Variants in FTO observed in about 807,000 individuals in gnomAD.
The protein encoded by FTO is FTO alpha-ketoglutarate dependent dioxygenase.
FTO carries 47 observed loss-of-function variants against 63.9 expected under a neutral mutation model. That is an observed-to-expected ratio of 0.74 (90% confidence interval 0.58 to 0.94). The LOEUF (loss-of-function observed/expected upper bound fraction) is 0.94. FTO is among the 40% of genes least tolerant of loss of function. The probability of loss-of-function intolerance (pLI) is 0.00; values close to 1 mark genes in which losing one functional copy is unlikely to be tolerated. For missense variants in FTO, 562 were observed against 618.1 expected (o/e 0.91, Z 0.96); for synonymous variants, 207 against 224.4 (o/e 0.92, Z 0.69).
At chr16:53,845,180 T>C (rs72485995) in intron 4 of FTO, among the ~76,000 whole-genome samples, 56,339 of 152,112 alleles carry the variant, frequency 0.37, 10,559 homozygotes, top group South Asian at 0.45. Context: ...CTTCTCAGGG[T>C]TTATTCTCTA....
At chr16:53,745,533 G>A (rs2076630449) in intron 1 of FTO, among the ~76,000 whole-genome samples, 1 of 152,194 alleles carries the variant, frequency 6.6e-6, no homozygotes. Context: ...ATAAAGAAAT[G>A]TTTATTGAGC....
At chr16:53,791,000 G>A (rs533679497) in intron 1 of FTO, among the ~76,000 whole-genome samples, 3 of 152,294 alleles carry the variant, frequency 2.0e-5, no homozygotes, top group Non-Finnish European at 2.9e-5. Flanking sequence ...AAAAGGGAGA[G>A]GATGTCATAG....
At chr16:53,938,543 A>G (rs570819722) in intron 8 of FTO, among the ~76,000 whole-genome samples, 28 of 152,340 alleles carry the variant, frequency 1.8e-4, no homozygotes, top group Non-Finnish European at 7.3e-5. Flanking sequence ...GATTTCATTC[A>G]GTGAGCATCT....
At position 54,114,614 on chromosome 16, in the gene FTO, C is replaced by T. The variant is rs1390620201; in HGVS notation, c.*2699C>T. 2.0e-5 allele frequency: 3 copies of T among 152,164 alleles called. No individual in the cohort carries two copies. The highest frequency in any genetic ancestry group is 2.9e-5 in the Non-Finnish European group (2 of 68,028). The allele number at this position is 152,164 out of a possible 1,614,324, so 9.4% of individuals were successfully genotyped here. On this transcript the variant is annotated 3_prime_UTR_variant, in exon 9 of 9. Coordinates refer to ENST00000471389, the MANE Select transcript of FTO (RefSeq NM_001080432.3). ...GAGAAATCACTACTTTAAGTGAATCCGAAAGGTGAGATCACATTTGCTCTA... is the reference window on the plus strand; with the variant it reads ...GAGAAATCACTACTTTAAGTGAATCTGAAAGGTGAGATCACATTTGCTCTA...
chr16:53,704,103 T>G, upstream of FTO: 20 of 1,355,336 alleles, frequency 1.5e-5, no homozygotes, highest in Non-Finnish European at 2.1e-5. Flanking sequence ...AGCAGGACGC[T>G]GAGAGAACTA....
At chr16:54,093,589 GC>G (rs1157784721) in intron 8 of FTO, among the ~76,000 whole-genome samples, 1 of 152,174 alleles carries the variant, frequency 6.6e-6, no homozygotes, top group African/African-American at 2.4e-5. Flanking sequence ...CCATTAATCG[GC>G]CTGTTTGCAG....
intron 3 of FTO, among the ~76,000 whole-genome samples, chr16:53,841,744 T>A (rs2079484351): frequency 1.3e-5 from 2 of 152,226 alleles, no homozygotes; most frequent in Admixed American, 6.5e-5. Flanking sequence ...ATGTATTTTT[T>A]AAATTGTTTA....
chr16:53,918,376 A>G (rs1020132066), intron 7 of FTO, among the ~76,000 whole-genome samples: 2 of 152,234 alleles, frequency 1.3e-5, no homozygotes, highest in African/African-American at 4.8e-5. Flanking sequence ...ACTGTGACAC[A>G]ATGATAAGTA....
intron 1 of FTO, among the ~76,000 whole-genome samples, chr16:53,790,028 A>C (rs2077864921): frequency 6.7e-6 from 1 of 149,642 alleles, no homozygotes; most frequent in African/African-American, 2.4e-5. Context: ...TATACACATA[A>C]ATATTTTGTA....
chr16:53,704,541 A>T (rs1193688703), intron 1 of FTO, among the ~76,000 whole-genome samples: 1 of 152,118 alleles, frequency 6.6e-6, no homozygotes, highest in Non-Finnish European at 1.5e-5. Context: ...TTCTCAGATG[A>T]CTGTGATCAT....
At chr16:54,041,574 T>A (rs1322296426) in intron 8 of FTO, among the ~76,000 whole-genome samples, 1 of 152,120 alleles carries the variant, frequency 6.6e-6, no homozygotes, top group Non-Finnish European at 1.5e-5. Flanking sequence ...GGAAGGAAGA[T>A]TTCCACTGTT....
intron 7 of FTO, among the ~76,000 whole-genome samples, chr16:53,931,871 A>ACACAC (rs2082292335): frequency 3.8e-4 from 56 of 145,796 alleles, no homozygotes; most frequent in African/African-American, 1.4e-3. Flanking sequence ...TTTTACATTA[A>ACACAC]ACACACACAC....
chr16:53,873,725 A>C, intron 4 of FTO, 61 bp from the exon 5 acceptor site: 1 of 1,256,740 alleles, frequency 8.0e-7, no homozygotes, highest in Non-Finnish European at 1.2e-6. Flanking sequence ...TAGTTAAATA[A>C]TATATAGTAT....
At chr16:54,106,127 CT>C in intron 8 of FTO, among the ~76,000 whole-genome samples, 1 of 152,108 alleles carries the variant, frequency 6.6e-6, no homozygotes, top group Non-Finnish European at 1.5e-5. Flanking sequence ...TTAACACACA[CT>C]TTAGCTAAAG....
intron 8 of FTO, among the ~76,000 whole-genome samples, chr16:53,972,289 G>A (rs1260558210): frequency 6.6e-6 from 1 of 152,032 alleles, no homozygotes; most frequent in Non-Finnish European, 1.5e-5. Flanking sequence ...GTATTGGAAA[G>A]TATGATATTG....
intron 2 of FTO, among the ~76,000 whole-genome samples, chr16:53,812,783 G>C (rs2078569826): frequency 2.6e-5 from 4 of 152,154 alleles, no homozygotes; most frequent in Admixed American, 2.0e-4. Flanking sequence ...CATAGTGATA[G>C]GGTGGGTGTT....
At chr16:53,961,013 A>T (rs1299974532) in intron 8 of FTO, among the ~76,000 whole-genome samples, 3 of 152,166 alleles carry the variant, frequency 2.0e-5, no homozygotes, top group Non-Finnish European at 2.9e-5. Flanking sequence ...CGGTGTCCAG[A>T]AATCAATACA....
intron 8 of FTO, among the ~76,000 whole-genome samples, chr16:54,038,879 A>G (rs1192421427): frequency 5.9e-5 from 9 of 152,174 alleles, no homozygotes; most frequent in Non-Finnish European, 1.3e-4. Context: ...TTTGTAAACT[A>G]TCCAGTCTCA....
At chr16:53,760,438 G>T (rs1320798371) in intron 1 of FTO, among the ~76,000 whole-genome samples, 2 of 151,484 alleles carry the variant, frequency 1.3e-5, no homozygotes, top group Admixed American at 6.6e-5. Flanking sequence ...TAGGGATGGG[G>T]TTTTGCCATG....
Sources: gnomAD v4.1 joint callset for allele counts (sites outside exome capture counted in the v4.1 genomes callset) on GRCh38, gnomAD v4.1.1 for gene constraint, MANE v1.5 for transcripts, NCBI Gene and HGNC (gene_info 2026-07-23, HGNC 2026-07-21) for gene names.